The following CCDC180 variants were observed in gnomAD, a reference collection of about 807,000 sequenced individuals.
CCDC180 encodes coiled-coil domain-containing protein 180.
A neutral mutation model predicts 209.2 loss-of-function variants in CCDC180; 154 were observed. The ratio of observed to expected loss-of-function variants is 0.74; its 90% confidence interval spans 0.65 to 0.84. CCDC180 has a LOEUF of 0.84. Ranked by LOEUF, CCDC180 falls within the 40% of genes least tolerant of loss-of-function variation. The pLI, the probability that CCDC180 is intolerant of heterozygous loss-of-function variation, is 0.00. For synonymous variants in CCDC180, 778 were observed against 749.1 expected (o/e 1.04, Z -0.63); for missense variants, 1,874 against 1,997.3 (o/e 0.94, Z 1.18).
intron 3 of CCDC180, among the ~76,000 whole-genome samples, chr9:97,310,764 C>T (rs962002379): frequency 5.9e-5 from 9 of 152,086 alleles, no homozygotes; most frequent in African/African-American, 2.2e-4. Flanking sequence ...GGAAAGCCAC[C>T]CCCAAAACTC....
intron 5 of CCDC180, 70 bp from the exon 6 acceptor site, chr9:97,314,323 A>G (rs1461624455): frequency 3.8e-6 from 6 of 1,581,996 alleles, no homozygotes; most frequent in East Asian, 2.2e-5. Context: ...CACTTCCCCC[A>G]TGACAGGGAA....
intron 15 of CCDC180, among the ~76,000 whole-genome samples, chr9:97,327,129 A>G (rs1833557499): frequency 6.6e-6 from 1 of 152,148 alleles, no homozygotes; most frequent in Admixed American, 6.5e-5. Context: ...AGATCATGCC[A>G]TTGCACTTCA....
In CCDC180 at chr9:97,364,090, G is replaced by C. The variant is rs1377732194; in HGVS notation, c.3942G>C (p.Lys1314Asn). Reference sequence around the variant, plus strand: ...CCAAGCCCAACAAAATGGAGAGAAAGTACCGGGTGCTTGGGGACAAGCCTC... The same window carrying C: ...CCAAGCCCAACAAAATGGAGAGAAACTACCGGGTGCTTGGGGACAAGCCTC... ...PHPKPNKMER[K>N]YRVLGDKPPP... Residue 1314 changes from lysine to asparagine, a missense_variant, in exon 29 of 37, where the codon AAG becomes AAC. By Grantham distance (94) the Lys-to-Asn change is moderately conservative. Transcript: ENST00000529487. 2 of 1,613,986 alleles carry C rather than the reference G, an allele frequency of 1.2e-6. No individual in the cohort carries two copies. Among genetic ancestry groups the C allele is most frequent in the Non-Finnish European group, 1.7e-6 (2 of 1,180,014 alleles).
Position 97,326,605 on chromosome 9 carries a change from G to T in CCDC180, c.1597G>T (p.Asp533Tyr), listed in dbSNP as rs1445281688. ...RLLDQLRQQS[D>Y]KETLAFHLEK... ...CTTGGACCAACTGAGGCAGCAAAGT[G>T]ACAAAGAAACACTGGCGTTTCACCT... The change falls in exon 15 of 37, where the codon GAC (aspartate) becomes TAC (tyrosine). Residue 533 changes from aspartate to tyrosine, a missense_variant. Coordinates refer to ENST00000529487, the MANE Select transcript of CCDC180 (RefSeq NM_020893.6). 7 of 1,614,096 alleles carry T rather than the reference G, an allele frequency of 4.3e-6. No individual in the cohort carries two copies. The highest frequency in any genetic ancestry group is 5.9e-6 in the Non-Finnish European group (7 of 1,179,974).
intron 24 of CCDC180, among the ~76,000 whole-genome samples, chr9:97,356,021 G>T (rs985842338): frequency 1.3e-5 from 2 of 152,262 alleles, no homozygotes; most frequent in Admixed American, 1.3e-4. Flanking sequence ...GAGGGTGGGG[G>T]TCCTGGCTGC....
chr9:97,359,931 C>T, intron 25 of CCDC180, 51 bp from the exon 26 acceptor site: 2 of 1,605,484 alleles, frequency 1.2e-6, no homozygotes, highest in Non-Finnish European at 1.7e-6. Flanking sequence ...AATCTACCCA[C>T]CCTCCTGCAG....
At position 97,343,678 on chromosome 9, in the gene CCDC180, T is replaced by C. The variant is rs1587814614; in HGVS notation, c.2498+115T>C. ...TATCAGTTGGATAAAGAAAAAAATGTAGGTAACTGAAGGAAGGTAGGGGTG... is the reference window on the plus strand; with the variant it reads ...TATCAGTTGGATAAAGAAAAAAATGCAGGTAACTGAAGGAAGGTAGGGGTG... On this transcript the variant is annotated intron_variant, in intron 19 of 36. Transcript: ENST00000529487. The C allele has an allele frequency of 1.8e-5, 14 of 796,978 alleles. No homozygotes were observed. The East Asian group carries it at 3.8e-4, about 21-fold the overall frequency. 49.4% of individuals were successfully genotyped at this position (796,978 alleles called of 1,614,324 possible). A position where few individuals can be genotyped will look rare whatever the true frequency, so the allele number is the denominator to read the frequency against.
chr9:97,312,608 A>C (rs1162993700), intron 4 of CCDC180, among the ~76,000 whole-genome samples: 1 of 152,198 alleles, frequency 6.6e-6, no homozygotes, highest in East Asian at 1.9e-4. Context: ...AAAACAAAGG[A>C]AGGAGAAAAA....
At chr9:97,323,984 A>C in intron 13 of CCDC180, 81 bp downstream of exon 13, 6 of 1,482,792 alleles carry the variant, frequency 4.0e-6, no homozygotes, top group Non-Finnish European at 5.5e-6. Context: ...GGGAGAGTCC[A>C]AGAACTCCAA....
intron 31 of CCDC180, 116 bp from the exon 32 acceptor site, chr9:97,369,806 T>C: frequency 1.7e-6 from 2 of 1,143,542 alleles, no homozygotes; most frequent in East Asian, 2.4e-5. Flanking sequence ...CTTACCACGT[T>C]GGAGACCAAG....
chr9:97,374,476 CAG>C, intron 34 of CCDC180, 65 bp from the exon 35 acceptor site: 1 of 1,254,428 alleles, frequency 8.0e-7, no homozygotes, highest in Non-Finnish European at 1.1e-6. Context: ...AGTGTAATGC[CAG>C]GGGAAATCCC....
rs373893600 is a variant in CCDC180, at chr9:97,307,825, T to C, written c.-82+19T>C. The C allele has an allele frequency of 3.1e-6, 5 of 1,613,882 alleles. No individual in the cohort carries two copies. The highest frequency in any genetic ancestry group is 4.2e-6 in the Non-Finnish European group (5 of 1,179,820). On this transcript the variant is annotated intron_variant, in intron 1 of 36. Coordinates refer to ENST00000529487, the MANE Select transcript of CCDC180 (RefSeq NM_020893.6). ...ATCTGAGGTTAGTTTCATCGTTTCG[T>C]TGAAAGTTAAAACCCTAAGTCGACG...
Position 97,347,428 on chromosome 9 carries a change from T to TCTGCAC in CCDC180, c.2621_2626dup (p.Leu874_His875dup), listed in dbSNP as rs1268534430. On this transcript the variant is annotated inframe_insertion, in exon 20 of 37. Transcript: ENST00000529487. Reference sequence around the variant, plus strand: ...AGCTGGATTCAGAACTGGAGCTGCATCTGCACCTGCACCAGCCAAGAGCCC... The same window carrying TCTGCAC: ...AGCTGGATTCAGAACTGGAGCTGCATCTGCACCTGCACCTGCACCAGCCAAGAGCCC... 3 of 1,536,144 alleles carry TCTGCAC rather than the reference T, an allele frequency of 2.0e-6. No individual in the cohort carries two copies. Among genetic ancestry groups the TCTGCAC allele is most frequent in the East Asian group, 2.4e-5 (1 of 40,918 alleles).
intron 33 of CCDC180, 172 bp downstream of exon 33, chr9:97,370,950 CTTTTT>C (rs67153822): frequency 6.7e-4 from 77 of 115,080 alleles, no homozygotes; most frequent in East Asian, 1.0e-3. Flanking sequence ...AACTTGTATA[CTTTTT>C]TTTTTTTTTT....
chr9:97,338,209 GA>G (rs1418423366), intron 18 of CCDC180, among the ~76,000 whole-genome samples: 1 of 152,102 alleles, frequency 6.6e-6, no homozygotes, highest in Non-Finnish European at 1.5e-5. Flanking sequence ...GCTAGCTTTT[GA>G]ATTTGTTTGC....
At chr9:97,326,252 G>C (rs1364759836) in intron 14 of CCDC180, among the ~76,000 whole-genome samples, 1 of 152,208 alleles carries the variant, frequency 6.6e-6, no homozygotes, top group Non-Finnish European at 1.5e-5. Flanking sequence ...AGCAGGTGTA[G>C]TGCAGGCCTG....
intron 14 of CCDC180, among the ~76,000 whole-genome samples, chr9:97,325,980 C>T (rs144395674): frequency 1.3e-5 from 2 of 152,294 alleles, no homozygotes; most frequent in East Asian, 3.9e-4. Flanking sequence ...TCCAAGTTCT[C>T]CTATATGGGG....
intron 5 of CCDC180, 76 bp from the exon 6 acceptor site, chr9:97,314,317 T>G: frequency 6.4e-7 from 1 of 1,556,826 alleles, no homozygotes; most frequent in Non-Finnish European, 8.8e-7. Context: ...GCCTGGCACT[T>G]CCCCCATGAC....
At chr9:97,361,483 G>A (rs2117877599) in intron 26 of CCDC180, among the ~76,000 whole-genome samples, 1 of 152,354 alleles carries the variant, frequency 6.6e-6, no homozygotes. Flanking sequence ...AACATGGGCA[G>A]AGACTTGTGA....
Sources: allele counts gnomAD v4.1 joint callset (sites outside exome capture counted in the v4.1 genomes callset), GRCh38; gene constraint gnomAD v4.1.1; transcripts MANE v1.5; gene names NCBI Gene and HGNC (gene_info 2026-07-23, HGNC 2026-07-21).